KDM3B: variants seen among roughly 807,000 people sequenced by gnomAD.
The protein encoded by KDM3B is lysine demethylase 3B.
In KDM3B, 10 loss-of-function variants were observed where a neutral mutation model predicts 170.0. The ratio of observed to expected loss-of-function variants is 0.06; its 90% CI spans 0.04 to 0.10. The LOEUF (loss-of-function observed/expected upper bound fraction) is 0.10, where lower values mean the gene tolerates loss of function less well. KDM3B is among the 10% of genes least tolerant of loss of function. The pLI is 1.00. For synonymous variants in KDM3B, 831 were observed against 834.8 expected (o/e 1.00, Z 0.08); for missense variants, 1,394 against 2,195.2 (o/e 0.64, Z 7.29).
chr5:138,392,858 T>C (rs1762467916), intron 8 of KDM3B, among the ~76,000 whole-genome samples: 1 of 152,206 alleles, frequency 6.6e-6, no homozygotes, highest in African/African-American at 2.4e-5. Context: ...ATGAACAGAA[T>C]AGCCATATCG....
intron 14 of KDM3B, among the ~76,000 whole-genome samples, chr5:138,420,096 C>T (rs967402470): frequency 6.6e-6 from 1 of 152,200 alleles, no homozygotes; most frequent in Non-Finnish European, 1.5e-5. Flanking sequence ...CCATGTTGGT[C>T]AGGCTGGTCT....
At chr5:138,408,526 A>C (rs1194059490) in intron 11 of KDM3B, among the ~76,000 whole-genome samples, 3 of 152,160 alleles carry the variant, frequency 2.0e-5, no homozygotes, top group African/African-American at 4.8e-5. Flanking sequence ...TTATACACAC[A>C]GTCTTTCAGA....
intron 8 of KDM3B, among the ~76,000 whole-genome samples, chr5:138,392,869 T>C (rs1319985586): frequency 6.6e-6 from 1 of 152,212 alleles, no homozygotes; most frequent in Non-Finnish European, 1.5e-5. Context: ...AGCCATATCG[T>C]GAGAGACTAG....
At chr5:138,362,805 T>C (rs1363783027) in intron 1 of KDM3B, among the ~76,000 whole-genome samples, 1 of 149,700 alleles carries the variant, frequency 6.7e-6, no homozygotes, top group South Asian at 2.1e-4. Context: ...TTGTTACATA[T>C]GTATACATGT....
intron 4 of KDM3B, 84 bp downstream of exon 4, chr5:138,377,909 C>G: frequency 2.2e-6 from 2 of 922,430 alleles, no homozygotes; most frequent in Non-Finnish European, 3.4e-6. Context: ...CCCATGCAAC[C>G]TTAAACATTT....
chr5:138,387,080 GTTAATTTCCA>G (rs144033306), intron 7 of KDM3B, among the ~76,000 whole-genome samples: 19,019 of 152,086 alleles, frequency 0.13, 1,479 homozygotes, highest in Non-Finnish European at 0.16. Flanking sequence ...TTGAGGCTGA[GTTAATTTCCA>G]TCATTTGATA....
chr5:138,419,388 G>T (rs1013825570), intron 14 of KDM3B, among the ~76,000 whole-genome samples, 156 bp downstream of exon 14: 31 of 152,092 alleles, frequency 2.0e-4, no homozygotes, highest in African/African-American at 6.8e-4. Flanking sequence ...TGGCGTGGTG[G>T]CTCACGCGTG....
chr5:138,420,798 A>T lies in KDM3B; in HGVS notation c.3808A>T (p.Thr1270Ser). 6.2e-7 allele frequency: 1 copy of T among 1,613,956 alleles called. No homozygotes were observed. Among genetic ancestry groups the T allele is most frequent in the Non-Finnish European group, 8.5e-7 (1 of 1,180,020 alleles). ...FNSTAKVSPL[T>S]PKLFNSLLLG... ...CTCCACTGCAAAGGTCTCTCCGCTG[A>T]CTCCAAAGCTTTTTAACAGTCTGTT... The change falls in exon 15 of 24, where the codon ACT becomes TCT. Residue 1270 changes from threonine (T) to serine (S), a missense_variant. Around this residue, in one of 19 missense-constraint regions of KDM3B, gnomAD observed 137 missense variants for 166.9 expected, o/e 0.82. Transcript: ENST00000314358.
chr5:138,365,859 C>A (rs999726308), intron 1 of KDM3B, among the ~76,000 whole-genome samples: 1 of 151,810 alleles, frequency 6.6e-6, no homozygotes, highest in Admixed American at 6.6e-5. Context: ...ATTAGCCGGG[C>A]GTGGTGGTGC....
chr5:138,387,624 A>G (rs1762303070), intron 7 of KDM3B, among the ~76,000 whole-genome samples: 1 of 152,156 alleles, frequency 6.6e-6, no homozygotes, highest in South Asian at 2.1e-4. Flanking sequence ...AGGGATAGGG[A>G]GGGAGAGGAA....
chr5:138,405,620 A>G (rs538031303), intron 11 of KDM3B, among the ~76,000 whole-genome samples: 67 of 152,342 alleles, frequency 4.4e-4, no homozygotes, highest in African/African-American at 1.6e-3. Flanking sequence ...GTAGTTATTC[A>G]GGCAGAAGAA....
intron 22 of KDM3B, among the ~76,000 whole-genome samples, chr5:138,430,829 G>A (rs918619049): frequency 6.6e-6 from 1 of 152,096 alleles, no homozygotes; most frequent in Non-Finnish European, 1.5e-5. Context: ...GGTGGAGGTT[G>A]CAGTGAGCCA....
chr5:138,374,248 C>A (rs1357493988), intron 2 of KDM3B: 1 of 431,138 alleles, frequency 2.3e-6, no homozygotes, highest in African/African-American at 2.0e-5. Context: ...CTACGCCCAG[C>A]CGTTTCATTT....
In KDM3B at chr5:138,386,218, G is replaced by A; in HGVS notation, c.977G>A (p.Gly326Glu). Reference sequence around the variant, plus strand: ...GAGGCAAGCCGAGGGCCCTGGAAAGGAGGGAATGCCAGTGGAGAGCCAGGG... The same window carrying A: ...GAGGCAAGCCGAGGGCCCTGGAAAGAAGGGAATGCCAGTGGAGAGCCAGGG... ...GGEASRGPWK[G>E]GNASGEPGLD... Residue 326 changes from glycine to glutamate, a missense_variant, in exon 7 of 24, where the codon GGA becomes GAA. Transcript: ENST00000314358. 6.2e-7 allele frequency: 1 copy of A among 1,614,146 alleles called. No individual in the cohort carries two copies. Among genetic ancestry groups the A allele is most frequent in the Middle Eastern group, 1.6e-4 (1 of 6,062 alleles).
At chr5:138,393,068 G>A in intron 8 of KDM3B, 103 bp from the exon 9 acceptor site, 2 of 1,049,882 alleles carry the variant, frequency 1.9e-6, no homozygotes, top group Non-Finnish European at 2.9e-6. Flanking sequence ...AGGGAAAGGA[G>A]TAGCAACCCA....
chr5:138,434,761 T>A (rs1438121864), intron 23 of KDM3B, among the ~76,000 whole-genome samples: 1 of 152,212 alleles, frequency 6.6e-6, no homozygotes, highest in African/African-American at 2.4e-5. Flanking sequence ...GGCAGGAATT[T>A]TACATTTTAC....
At chr5:138,416,928 C>G (rs1763121287) in intron 12 of KDM3B, among the ~76,000 whole-genome samples, 1 of 152,188 alleles carries the variant, frequency 6.6e-6, no homozygotes, top group Admixed American at 6.5e-5. Context: ...TCAAGCGATT[C>G]TCGTGCCTCA....
At chr5:138,419,702 C>T (rs1169481503) in intron 14 of KDM3B, among the ~76,000 whole-genome samples, 3 of 119,534 alleles carry the variant, frequency 2.5e-5, no homozygotes, top group Admixed American at 8.8e-5. Flanking sequence ...TATATATATA[C>T]ACACACACAT....
intron 6 of KDM3B, among the ~76,000 whole-genome samples, chr5:138,381,916 C>T (rs551220171): frequency 3.3e-5 from 5 of 151,888 alleles, no homozygotes; most frequent in Admixed American, 6.6e-5. Flanking sequence ...AGTAGTAATA[C>T]TCGTGATCTA....
Sources: allele counts gnomAD v4.1 joint callset (sites outside exome capture counted in the v4.1 genomes callset), GRCh38; gene constraint gnomAD v4.1.1; regional missense constraint gnomAD v4.1.1; transcripts MANE v1.5; gene names NCBI Gene and HGNC (gene_info 2026-07-23, HGNC 2026-07-21).